The following ATXN7L1 variants were observed in gnomAD, a reference collection of about 807,000 sequenced individuals.
The protein encoded by ATXN7L1 is ataxin 7 like 1, also known as ataxin-7-like protein 1.
A neutral mutation model predicts 70.8 loss-of-function variants in ATXN7L1; 15 were observed. That is an observed-to-expected ratio of 0.21 (90% CI 0.14 to 0.33). The LOEUF is 0.33. ATXN7L1 is among the 10% of genes least tolerant of loss of function. ATXN7L1 has a pLI of 1.00. For missense variants in ATXN7L1, 975 were observed against 1,097.1 expected (o/e 0.89, Z 1.57); for synonymous variants, 440 against 445.1 (o/e 0.99, Z 0.14).
chr7:105,677,924 G>A (rs1419501710), intron 3 of ATXN7L1: 3 of 984,206 alleles, frequency 3.0e-6, no homozygotes, highest in Non-Finnish European at 3.6e-6. Context: ...CTAAGCTCAT[G>A]GTGTCGCTCA....
At chr7:105,741,267 C>A (rs903213134) in intron 3 of ATXN7L1, among the ~76,000 whole-genome samples, 3 of 152,136 alleles carry the variant, frequency 2.0e-5, no homozygotes, top group Non-Finnish European at 4.4e-5. Context: ...CATCTAAATC[C>A]AACTCAAATG....
intron 3 of ATXN7L1, among the ~76,000 whole-genome samples, chr7:105,715,192 AC>A (rs1437478136): frequency 1.3e-5 from 2 of 152,222 alleles, no homozygotes; most frequent in African/African-American, 4.8e-5. Flanking sequence ...GAAAGAGATC[AC>A]GTGTGGGCTC....
At chr7:105,807,791 T>C (rs116355574) in intron 2 of ATXN7L1, among the ~76,000 whole-genome samples, 5,848 of 152,196 alleles carry the variant, frequency 0.038, 387 homozygotes, top group African/African-American at 0.13. Context: ...ACCAGACAGG[T>C]GAGGGAGGGC....
At chr7:105,784,807 G>C (rs924746727) in intron 3 of ATXN7L1, among the ~76,000 whole-genome samples, 13 of 152,166 alleles carry the variant, frequency 8.5e-5, no homozygotes, top group African/African-American at 3.1e-4. Flanking sequence ...GGGGAGTCGT[G>C]AATTGCTTTG....
chr7:105,748,045 G>A (rs1417935069), intron 3 of ATXN7L1, among the ~76,000 whole-genome samples: 1 of 151,822 alleles, frequency 6.6e-6, no homozygotes, highest in East Asian at 1.9e-4. Flanking sequence ...TTGAACCTGG[G>A]AGGTGGAGGT....
At chr7:105,845,153 C>T (rs1260188254) in intron 2 of ATXN7L1, among the ~76,000 whole-genome samples, 1 of 121,984 alleles carries the variant, frequency 8.2e-6, no homozygotes, top group Non-Finnish European at 1.6e-5. Context: ...TGCAGTGAGC[C>T]AAGATTGCAC....
At chr7:105,694,089 C>T (rs1429490604) in intron 3 of ATXN7L1, among the ~76,000 whole-genome samples, 26 of 150,630 alleles carry the variant, frequency 1.7e-4, no homozygotes, top group Non-Finnish European at 3.2e-4. Context: ...GCTCTGTTGC[C>T]TAGGCTGGAG....
Position 105,782,578 on chromosome 7 carries a change from C to T in ATXN7L1, c.355+6026G>A, listed in dbSNP as rs372276811. On this transcript the variant is annotated intron_variant, in intron 3 of 11. Coordinates refer to ENST00000419735, the MANE Select transcript of ATXN7L1 (RefSeq NM_020725.2). Reference sequence around the variant, plus strand: ...ATCTGGGATGCCAGCATGGGGCACACGATCAGGAGCAGAAGGACTGTGGCC... The same window carrying T: ...ATCTGGGATGCCAGCATGGGGCACATGATCAGGAGCAGAAGGACTGTGGCC... Among the ~76,000 whole-genome samples, 47 of 152,300 alleles carry T rather than the reference C, an allele frequency of 3.1e-4. No homozygotes were observed. The South Asian group carries it at 4.4e-3, about 14-fold the overall frequency.
chr7:105,759,219 G>T (rs1315771558), intron 3 of ATXN7L1, among the ~76,000 whole-genome samples: 1 of 144,684 alleles, frequency 6.9e-6, no homozygotes, highest in Non-Finnish European at 1.5e-5. Context: ...GGAGTAATGG[G>T]TTGATGAATG....
chr7:105,659,182 T>C (rs1265133534), intron 4 of ATXN7L1, among the ~76,000 whole-genome samples: 3 of 152,348 alleles, frequency 2.0e-5, no homozygotes, highest in African/African-American at 7.2e-5. Context: ...TTTTTTCCAA[T>C]GTGGCTGTTG....
At chr7:105,733,874 C>CCAT (rs772161223) in intron 3 of ATXN7L1, among the ~76,000 whole-genome samples, 1 of 143,986 alleles carries the variant, frequency 6.9e-6, no homozygotes, top group African/African-American at 2.6e-5. Context: ...ATCCATCCAT[C>CCAT]CATCCATCAT....
intron 2 of ATXN7L1, among the ~76,000 whole-genome samples, chr7:105,860,176 A>C (rs1459103144): frequency 7.1e-6 from 1 of 140,952 alleles, no homozygotes; most frequent in Non-Finnish European, 1.5e-5. Flanking sequence ...TATGAAAACA[A>C]GACAAAATGT....
intron 2 of ATXN7L1, chr7:105,819,445 T>TAAA (rs369266871): frequency 4.5e-5 from 25 of 556,512 alleles, no homozygotes; most frequent in Non-Finnish European, 6.7e-5. Context: ...ATTTGGGATT[T>TAAA]AAAAAAAAAA....
At chr7:105,864,390 C>T (rs988998057) in intron 2 of ATXN7L1, among the ~76,000 whole-genome samples, 7 of 140,018 alleles carry the variant, frequency 5.0e-5, no homozygotes, top group Admixed American at 7.8e-5. Flanking sequence ...CCCTGGAGAT[C>T]GACGCTGCAG....
chr7:105,618,519 G>C (rs1159648323), intron 9 of ATXN7L1, among the ~76,000 whole-genome samples: 1 of 152,160 alleles, frequency 6.6e-6, no homozygotes, highest in Non-Finnish European at 1.5e-5. Flanking sequence ...GTTCAGGTCT[G>C]GAAGCTCTTT....
chr7:105,612,673 A>T (rs1442356205), intron 10 of ATXN7L1, among the ~76,000 whole-genome samples: 2 of 151,882 alleles, frequency 1.3e-5, no homozygotes, highest in African/African-American at 4.8e-5. Flanking sequence ...GAGCGAGAGG[A>T]CCTGTGTCTC....
At chr7:105,816,820 G>A (rs1288013124) in intron 2 of ATXN7L1, among the ~76,000 whole-genome samples, 1 of 152,246 alleles carries the variant, frequency 6.6e-6, no homozygotes, top group Non-Finnish European at 1.5e-5. Flanking sequence ...AGCACGGTGA[G>A]ATGCAGCTGA....
At chr7:105,669,071 A>C (rs1186208200) in intron 3 of ATXN7L1, among the ~76,000 whole-genome samples, 1 of 151,960 alleles carries the variant, frequency 6.6e-6, no homozygotes, top group Non-Finnish European at 1.5e-5. Flanking sequence ...TCAGTGGATA[A>C]GCTTTTTTCT....
At chr7:105,636,558 G>T (rs937039757) in intron 7 of ATXN7L1, among the ~76,000 whole-genome samples, 1 of 150,532 alleles carries the variant, frequency 6.6e-6, no homozygotes, top group African/African-American at 2.4e-5. Flanking sequence ...CTCTATAGAT[G>T]AACATTCCCC....
Sources: allele counts gnomAD v4.1 joint callset (sites outside exome capture counted in the v4.1 genomes callset), GRCh38; gene constraint gnomAD v4.1.1; transcripts MANE v1.5; gene names NCBI Gene and HGNC (gene_info 2026-07-23, HGNC 2026-07-21).